CAMSAP2: variants seen among roughly 807,000 people sequenced by gnomAD.
The protein encoded by CAMSAP2 is calmodulin-regulated spectrin-associated protein 2.
Under a neutral mutation model 146.1 loss-of-function variants are expected in CAMSAP2, and 26 were observed. The observed-to-expected ratio is 0.18, with a 90% CI of 0.13 to 0.25. CAMSAP2 has a LOEUF of 0.25. Among genes scored for constraint, CAMSAP2 ranks in the 10% least tolerant of loss-of-function variants. The pLI is 1.00. For synonymous variants in CAMSAP2, 499 were observed against 596.6 expected (o/e 0.84, Z 2.38); for missense variants, 1,381 against 1,759.3 (o/e 0.78, Z 3.85).
chr1:200,847,970 A>T, intron 10 of CAMSAP2, 62 bp from the exon 11 acceptor site: 1 of 1,136,254 alleles, frequency 8.8e-7, no homozygotes, highest in Non-Finnish European at 1.2e-6. Flanking sequence ...AATTCTTGTT[A>T]AATGATACTA....
Position 200,739,981 on chromosome 1 carries a change from C to T in CAMSAP2, c.139+15C>T. ...CTTTGGGACAGGTTAGTGGTGTCAC[C>T]CTTTCCCTCCCCTCTTCCTCCTGAT... On this transcript the variant is annotated intron_variant, in intron 1 of 16. Coordinates refer to ENST00000358823, the MANE Select transcript of CAMSAP2 (RefSeq NM_203459.4). The surrounding 1 kb of genome is among the most constrained non-coding windows in gnomAD (Gnocchi z 4.8). 1.2e-6 allele frequency: 2 copies of T among 1,613,488 alleles called. No homozygotes were observed. The highest frequency in any genetic ancestry group is 2.2e-5 in the East Asian group (1 of 44,870).
In CAMSAP2 at chr1:200,849,989, T is replaced by C; in HGVS notation, c.3220T>C (p.Ser1074Pro). ...PFESTVSEVL[S>P]LPVTETVCLT... ...TGAGTCAACAGTCTCTGAAGTCCTA[T>C]CACTGCCTGTCACAGAGACTGTATG... Residue 1074 changes from serine to proline, a missense_variant, in exon 11 of 17, where the codon TCA becomes CCA. Transcript: ENST00000358823. This position sits in a 1 kb window ranked among gnomAD's most constrained non-coding sequence, Gnocchi z 6.3. 6.2e-7 allele frequency: 1 copy of C among 1,614,116 alleles called. No homozygotes were observed. The highest frequency in any genetic ancestry group is 1.6e-4 in the Middle Eastern group (1 of 6,062).
intron 2 of CAMSAP2, among the ~76,000 whole-genome samples, chr1:200,801,115 T>G (rs1486739705): frequency 1.3e-5 from 2 of 151,994 alleles, no homozygotes; most frequent in Non-Finnish European, 2.9e-5. Context: ...AATACAAAAA[T>G]TAGCTGGGCA....
chr1:200,844,637 T>G lies in CAMSAP2; in HGVS notation c.1022-145T>G, dbSNP rs1667414350. On this transcript the variant is annotated intron_variant, in intron 7 of 16. Transcript: ENST00000358823. ...AAGAAACTTGACCCTTTGAAAATTA[T>G]TTAAGAAGAAAACTTTATGCTATGA... 4 of 468,178 alleles carry G rather than the reference T, an allele frequency of 8.5e-6. No homozygotes were observed. In the South Asian group the frequency reaches 2.0e-4, roughly 23 times the overall value. 29.0% of individuals were successfully genotyped at this position (468,178 alleles called of 1,614,324 possible). A position where few individuals can be genotyped will look rare whatever the true frequency, so the allele number is the denominator to read the frequency against.
intron 3 of CAMSAP2, among the ~76,000 whole-genome samples, chr1:200,812,792 A>T (rs1413984023): frequency 1.3e-5 from 2 of 152,236 alleles, no homozygotes; most frequent in Non-Finnish European, 2.9e-5. Context: ...AAAAATCATG[A>T]ATATATTAAC....
In CAMSAP2 at chr1:200,739,818, G is replaced by T. The variant is rs748410762; in HGVS notation, c.-10G>T. On this transcript the variant is annotated 5_prime_UTR_variant, in exon 1 of 17. Transcript: ENST00000358823. The surrounding 1 kb of genome is among the most constrained non-coding windows in gnomAD (Gnocchi z 4.8). ...TAGGGCCGGGACATCCCGAGGAGCC[G>T]CGGTGAAAGATGGGGGATGCTGCAG... 6.2e-7 allele frequency: 1 copy of T among 1,605,484 alleles called. No homozygotes were observed. The highest frequency in any genetic ancestry group is 1.1e-5 in the South Asian group (1 of 90,854).
chr1:200,840,226 A>T (rs1667288505), intron 6 of CAMSAP2, among the ~76,000 whole-genome samples: 1 of 152,072 alleles, frequency 6.6e-6, no homozygotes, highest in Admixed American at 6.6e-5. Flanking sequence ...TCTCACTATT[A>T]GTTGCTCGAG....
intron 4 of CAMSAP2, among the ~76,000 whole-genome samples, chr1:200,829,894 T>A (rs575728939): frequency 6.6e-6 from 1 of 151,986 alleles, no homozygotes; most frequent in South Asian, 2.1e-4. Context: ...GCCACTGCAC[T>A]CCAGCCTGGG....
intron 7 of CAMSAP2, among the ~76,000 whole-genome samples, chr1:200,844,271 T>A (rs1219902738): frequency 1.3e-5 from 2 of 151,798 alleles, no homozygotes; most frequent in African/African-American, 4.8e-5. Flanking sequence ...AATTTTTGGC[T>A]GGGCGTGGTG....
At chr1:200,819,980 C>G (rs1666705249) in intron 4 of CAMSAP2, among the ~76,000 whole-genome samples, 1 of 151,942 alleles carries the variant, frequency 6.6e-6, no homozygotes, top group Non-Finnish European at 1.5e-5. Context: ...TTGGCAGAAT[C>G]AGTTTTGAAA....
rs761620767 is a variant in CAMSAP2 at position 200,849,501 on chromosome 1, T to C, written c.2732T>C (p.Met911Thr). The change falls in exon 11 of 17, where the codon ATG becomes ACG. Residue 911 changes from methionine to threonine, a missense_variant. Met to Thr is a moderately conservative substitution (Grantham distance 81, BLOSUM62 -1). Transcript: ENST00000358823. The surrounding 1 kb of genome is among the most constrained non-coding windows in gnomAD (Gnocchi z 6.3). ...CTTCAGCAGGAGATGTTAATGCAGA[T>C]GAGAGAGCAACAATCTTGGGTGATT... ...LSLQQEMLMQ[M>T]REQQSWVISP... The C allele has an allele frequency of 6.2e-7, 1 of 1,614,224 alleles. No individual in the cohort carries two copies. Among genetic ancestry groups the C allele is most frequent in the South Asian group, 1.1e-5 (1 of 91,082 alleles).
chr1:200,811,302 C>A (rs1283261385), intron 3 of CAMSAP2, among the ~76,000 whole-genome samples: 4 of 152,138 alleles, frequency 2.6e-5, no homozygotes, highest in African/African-American at 9.7e-5. Flanking sequence ...CTTTCCTACA[C>A]ATGCACAGTC....
At chr1:200,818,913 C>T (rs1026727897) in intron 4 of CAMSAP2, among the ~76,000 whole-genome samples, 3 of 152,176 alleles carry the variant, frequency 2.0e-5, no homozygotes, top group Non-Finnish European at 4.4e-5. Context: ...GAGCCTAGCC[C>T]TGTTGCCTAT....
rs1429492345 is a variant in CAMSAP2, at chr1:200,842,991, A to C, written c.1021+904A>C. 3.9e-5 allele frequency among the ~76,000 whole-genome samples: 6 copies of C among 151,908 alleles called. 1 individual carries two copies. The South Asian group carries it at 1.0e-3, about 26-fold the overall frequency. On this transcript the variant is annotated intron_variant, in intron 7 of 16. Coordinates refer to ENST00000358823, the MANE Select transcript of CAMSAP2 (RefSeq NM_203459.4). Reference sequence around the variant, plus strand: ...ACACCATCTCAAAAAAAAAAGAAAAAAAAAAAAAACTAGAGGTTTATTTCT... The same window carrying C: ...ACACCATCTCAAAAAAAAAAGAAAACAAAAAAAAACTAGAGGTTTATTTCT...
At chr1:200,831,994 T>C (rs1667054859) in intron 4 of CAMSAP2, 4 of 508,072 alleles carry the variant, frequency 7.9e-6, no homozygotes, top group Non-Finnish European at 1.4e-5. Context: ...TTATATTAAG[T>C]ATTGAGCTTC....
chr1:200,780,970 C>T (rs1202636069), intron 2 of CAMSAP2, among the ~76,000 whole-genome samples: 3 of 152,140 alleles, frequency 2.0e-5, no homozygotes, highest in Non-Finnish European at 4.4e-5. Context: ...GGTTCAGTTT[C>T]GTTTTCTTCT....
At chr1:200,827,993 T>TA (rs1666946979) in intron 4 of CAMSAP2, among the ~76,000 whole-genome samples, 1 of 151,994 alleles carries the variant, frequency 6.6e-6, no homozygotes, top group Non-Finnish European at 1.5e-5. Flanking sequence ...TTTAGACACT[T>TA]ACAAAAATCT....
chr1:200,841,458 G>T (rs1369709207), intron 6 of CAMSAP2, among the ~76,000 whole-genome samples: 3 of 152,194 alleles, frequency 2.0e-5, no homozygotes, highest in Admixed American at 6.5e-5. Context: ...TTGTTGGCCA[G>T]GCTGGTCTCA....
At chr1:200,795,466 A>C (rs561239111) in intron 2 of CAMSAP2, among the ~76,000 whole-genome samples, 1 of 152,078 alleles carries the variant, frequency 6.6e-6, no homozygotes, top group South Asian at 2.1e-4. Context: ...TTTGTTTACT[A>C]TATTGGTTTG....
Sources: allele counts gnomAD v4.1 joint callset (sites outside exome capture counted in the v4.1 genomes callset), GRCh38; gene constraint gnomAD v4.1.1; non-coding constraint Gnocchi (gnomAD v3.1); transcripts MANE v1.5; gene names NCBI Gene and HGNC (gene_info 2026-07-23, HGNC 2026-07-21).